Variants in GABRB3 observed in about 807,000 individuals in gnomAD.
GABRB3 encodes gamma-aminobutyric acid type A receptor subunit beta3.
A neutral mutation model predicts 52.1 loss-of-function variants in GABRB3; 14 were observed. That is an observed-to-expected ratio of 0.27 (90% confidence interval 0.18 to 0.42). The LOEUF is 0.42. Among genes scored for constraint, GABRB3 ranks in the 10% least tolerant of loss-of-function variants. The pLI, the probability that GABRB3 is intolerant of heterozygous loss-of-function variation, is 1.00. For missense variants in GABRB3, 307 were observed against 609.1 expected, an observed-to-expected ratio of 0.50 and a Z score of 5.22; for synonymous variants, 260 against 232.3, an observed-to-expected ratio of 1.12 and a Z score of -1.08.
chr15:26,713,067 T>C lies in GABRB3; in HGVS notation c.240+59335A>G, dbSNP rs189990314. On this transcript the variant is annotated intron_variant, in intron 3 of 8. Coordinates refer to ENST00000311550, the MANE Select transcript of GABRB3 (RefSeq NM_000814.6). ...AGGGGTAGAAGAAAGGACAGCTTTTTAAGAAGTGGGAGAACCAGGCTCTGC... is the reference window on the plus strand; with the variant it reads ...AGGGGTAGAAGAAAGGACAGCTTTTCAAGAAGTGGGAGAACCAGGCTCTGC... 6.6e-5 allele frequency among the ~76,000 whole-genome samples: 10 copies of C among 152,196 alleles called. No homozygotes were observed. In the East Asian group the frequency reaches 1.7e-3, roughly 27 times the overall value.
chr15:26,646,860 T>C (rs1887026964), intron 3 of GABRB3, among the ~76,000 whole-genome samples: 1 of 152,206 alleles, frequency 6.6e-6, no homozygotes, highest in South Asian at 2.1e-4. Flanking sequence ...TTGTTTGTTT[T>C]TGAGATGGAG....
chr15:26,679,950 T>C (rs1888187000), intron 3 of GABRB3, among the ~76,000 whole-genome samples: 1 of 152,232 alleles, frequency 6.6e-6, no homozygotes, highest in South Asian at 2.1e-4. Context: ...TAATCTGGTG[T>C]GGTAGTTAAT....
At chr15:26,568,499 T>TC (rs1491201855) in intron 6 of GABRB3, among the ~76,000 whole-genome samples, 1 of 96,124 alleles carries the variant, frequency 1.0e-5, no homozygotes, top group Admixed American at 1.2e-4. Flanking sequence ...TGTTTTCCTT[T>TC]CTTTTTTTTT....
At chr15:26,672,173 T>A (rs1386468664) in intron 3 of GABRB3, among the ~76,000 whole-genome samples, 2 of 152,186 alleles carry the variant, frequency 1.3e-5, no homozygotes, top group African/African-American at 4.8e-5. Context: ...AGGATTATTT[T>A]GAGCTGAAGA....
rs1262858357 is a variant in GABRB3, at chr15:26,621,164, G to A, written c.461+150C>T. The A allele has an allele frequency of 3.1e-6, 2 of 634,984 alleles. No homozygotes were observed. Among genetic ancestry groups the A allele is most frequent in the African/African-American group, 6.2e-5 (2 of 32,284 alleles). The allele number at this position is 634,984 out of a possible 1,614,324, so 39.3% of individuals were successfully genotyped here. A position where few individuals can be genotyped will look rare whatever the true frequency, so the allele number is the denominator to read the frequency against. ...AATGCCCCAAATTTTATGGTTATGA[G>A]ATTTTTTTTTCTGCAAAGCTTTAGT... On this transcript the variant is annotated intron_variant, in intron 4 of 8. Transcript: ENST00000311550. This position sits in a 1 kb window ranked among gnomAD's most constrained non-coding sequence, Gnocchi z 4.1.
intron 3 of GABRB3, among the ~76,000 whole-genome samples, chr15:26,721,544 T>G (rs909788934): frequency 2.6e-5 from 4 of 151,846 alleles, no homozygotes; most frequent in African/African-American, 9.7e-5. Flanking sequence ...ATGTACTCAT[T>G]TCTCTGGGTA....
At chr15:26,636,873 C>T (rs1176198942) in intron 3 of GABRB3, among the ~76,000 whole-genome samples, 2 of 152,186 alleles carry the variant, frequency 1.3e-5, no homozygotes, top group Non-Finnish European at 2.9e-5. Context: ...ACACAGGTTC[C>T]ACCATACCTT....
intron 3 of GABRB3, among the ~76,000 whole-genome samples, chr15:26,646,170 T>C (rs569917606): frequency 2.0e-5 from 3 of 152,278 alleles, no homozygotes; most frequent in Admixed American, 1.3e-4. Context: ...CTTTAGAACA[T>C]ATCCCTCACC....
At chr15:26,612,286 T>G (rs1892099052) in intron 4 of GABRB3, 1 of 152,048 alleles carries the variant, frequency 6.6e-6, no homozygotes, top group Admixed American at 6.6e-5. Flanking sequence ...CAATTGAAAA[T>G]GAAGATTAAA....
intron 3 of GABRB3, chr15:26,628,833 G>C (rs931738024): frequency 2.4e-6 from 2 of 839,592 alleles, no homozygotes; most frequent in Admixed American, 2.3e-5. Flanking sequence ...AGAGACGAAA[G>C]GGGGCCAGCA....
At chr15:26,552,060 G>A (rs1366691678) in intron 8 of GABRB3, among the ~76,000 whole-genome samples, 2 of 151,594 alleles carry the variant, frequency 1.3e-5, no homozygotes, top group East Asian at 1.9e-4. Flanking sequence ...AGGCAGGAGT[G>A]CAGTGGCACA....
At chr15:26,753,873 C>T (rs1226647646) in intron 3 of GABRB3, among the ~76,000 whole-genome samples, 1 of 152,070 alleles carries the variant, frequency 6.6e-6, no homozygotes, top group Non-Finnish European at 1.5e-5. Flanking sequence ...TGCTGTTGGT[C>T]TTCTGATGGA....
chr15:26,570,163 T>C (rs1890340079), intron 6 of GABRB3, among the ~76,000 whole-genome samples: 1 of 152,236 alleles, frequency 6.6e-6, no homozygotes, highest in South Asian at 2.1e-4. Context: ...TTAGGTAAGT[T>C]CACAATACAG....
intron 3 of GABRB3, among the ~76,000 whole-genome samples, chr15:26,669,550 C>T (rs1341795578): frequency 3.3e-5 from 5 of 151,978 alleles, no homozygotes; most frequent in East Asian, 3.9e-4. Context: ...AACGTGGTGG[C>T]CTGTAATCTT....
chr15:26,548,734 C>T (rs927628075), intron 8 of GABRB3, among the ~76,000 whole-genome samples: 6 of 152,134 alleles, frequency 3.9e-5, no homozygotes, highest in African/African-American at 9.7e-5. Flanking sequence ...ATAAAATAGA[C>T]GAAATTCCCT....
intron 4 of GABRB3, among the ~76,000 whole-genome samples, chr15:26,610,767 C>T (rs774975102): frequency 1.3e-5 from 2 of 152,090 alleles, no homozygotes; most frequent in Non-Finnish European, 2.9e-5. Flanking sequence ...TAAACCTGTT[C>T]GTAAATTCGT....
intron 6 of GABRB3, among the ~76,000 whole-genome samples, chr15:26,574,355 T>C (rs1447128042): frequency 1.3e-5 from 2 of 152,182 alleles, no homozygotes; most frequent in Non-Finnish European, 2.9e-5. Flanking sequence ...AGTCTGATAG[T>C]TCCTCAAAAG....
chr15:26,769,891 C>T (rs1891100527), intron 3 of GABRB3, among the ~76,000 whole-genome samples: 1 of 152,098 alleles, frequency 6.6e-6, no homozygotes, highest in African/African-American at 2.4e-5. Flanking sequence ...AAAGTGAGAC[C>T]ATTTATTATT....
intron 7 of GABRB3, 110 bp downstream of exon 7, chr15:26,567,471 T>A (rs1367106951): frequency 2.0e-6 from 2 of 1,008,160 alleles, no homozygotes; most frequent in African/African-American, 3.2e-5. Flanking sequence ...CAGGCAATGC[T>A]TGTGTCACGC....
Sources: gnomAD v4.1 joint callset for allele counts (sites outside exome capture counted in the v4.1 genomes callset) on GRCh38, gnomAD v4.1.1 for gene constraint, Gnocchi (gnomAD v3.1) non-coding constraint, MANE v1.5 for transcripts, NCBI Gene and HGNC (gene_info 2026-07-23, HGNC 2026-07-21) for gene names.